Variants in ROPN1L observed in about 807,000 individuals in gnomAD.
ROPN1L encodes the protein ropporin-1-like protein.
ROPN1L carries 23 observed loss-of-function variants against 22.7 expected under a neutral mutation model. That is an observed-to-expected ratio of 1.01 (90% CI 0.73 to 1.43). The LOEUF is 1.43. Among genes scored for constraint, ROPN1L ranks in the 40% most tolerant of loss-of-function variants. The pLI is 0.00. For missense variants in ROPN1L, 271 were observed against 291.5 expected (o/e 0.93, Z 0.51); for synonymous variants, 116 against 117.8 (o/e 0.98, Z 0.10).
chr5:10,461,243 G>T lies in ROPN1L; in HGVS notation c.477G>T (p.Gly159=). Residue 159 remains glycine, a synonymous_variant, in exon 4 of 5, where the codon GGG becomes GGT. Transcript: ENST00000274134. ...TCCTCACGGACGATCCGGAGGGCGG[G>T]CCCGCTCGCATCCCCTTCAAGACGT... ...CEILTDDPEG[G]PARIPFKTFS... 1 of 1,614,126 alleles carries T rather than the reference G, an allele frequency of 6.2e-7. No homozygotes were observed. The highest frequency in any genetic ancestry group is 1.6e-4 in the Middle Eastern group (1 of 6,062).
downstream of ROPN1L, among the ~76,000 whole-genome samples, chr5:10,475,280 C>A (rs1735303862): frequency 1.3e-5 from 2 of 152,226 alleles, no homozygotes; most frequent in Admixed American, 1.3e-4. Flanking sequence ...TCTGGGTGTA[C>A]CATTCCAGTC....
chr5:10,467,503 C>A (rs568998055), downstream of ROPN1L, among the ~76,000 whole-genome samples: 2 of 152,102 alleles, frequency 1.3e-5, no homozygotes, highest in African/African-American at 4.8e-5. Flanking sequence ...AGGGGAGAAG[C>A]GGTCTGGAGG....
rs538748674 is a variant in ROPN1L at position 10,446,925 on chromosome 5, A to G, written c.132-1335A>G. 9.2e-5 allele frequency among the ~76,000 whole-genome samples: 14 copies of G among 152,344 alleles called. No individual in the cohort carries two copies. In the East Asian group the frequency reaches 2.7e-3, roughly 29 times the overall value. ...CTTTAGGTTCACATTTGTCTAACTC[A>G]CTGCTGCCTTCAAATCATTAACAAA... On this transcript the variant is annotated intron_variant, in intron 1 of 4. Coordinates refer to ENST00000274134, the MANE Select transcript of ROPN1L (RefSeq NM_031916.5).
intron 1 of ROPN1L, among the ~76,000 whole-genome samples, chr5:10,444,532 CT>C (rs1250544185): frequency 6.7e-6 from 1 of 150,328 alleles, no homozygotes; most frequent in Non-Finnish European, 1.5e-5. Flanking sequence ...CTCAGGTGAT[CT>C]ATCCACTTGG....
In ROPN1L at chr5:10,441,936, T is replaced by G. The variant is rs1362978971; in HGVS notation, c.-232T>G. On this transcript the variant is annotated 5_prime_UTR_variant, in exon 1 of 5. Coordinates refer to ENST00000274134, the MANE Select transcript of ROPN1L (RefSeq NM_031916.5). Reference sequence around the variant, plus strand: ...GTAGTGGCGGCTGGCGCTAGGGAACTGCAGGGTCTAGGGTGTTGTCGGAGT... The same window carrying G: ...GTAGTGGCGGCTGGCGCTAGGGAACGGCAGGGTCTAGGGTGTTGTCGGAGT... 1.7e-5 allele frequency: 7 copies of G among 415,690 alleles called. No individual in the cohort carries two copies. Among genetic ancestry groups the G allele is most frequent in the Non-Finnish European group, 3.0e-5 (7 of 231,438 alleles). The allele number at this position is 415,690 out of a possible 1,614,324, so 25.8% of individuals were successfully genotyped here.
chr5:10,449,918 A>T, intron 2 of ROPN1L, 34 bp from the exon 3 acceptor site: 1 of 1,578,958 alleles, frequency 6.3e-7, no homozygotes. Context: ...GTTTTAAAAC[A>T]TACATAAATT....
At chr5:10,445,625 G>T (rs1332074850) in intron 1 of ROPN1L, among the ~76,000 whole-genome samples, 1 of 152,146 alleles carries the variant, frequency 6.6e-6, no homozygotes, top group Admixed American at 6.5e-5. Flanking sequence ...GGACATAACT[G>T]CTATAGAACA....
chr5:10,469,963 T>C (rs905120552), downstream of ROPN1L, among the ~76,000 whole-genome samples: 1 of 152,242 alleles, frequency 6.6e-6, no homozygotes, highest in Non-Finnish European at 1.5e-5. Flanking sequence ...ATCACTAACA[T>C]ACTTGTGAAT....
chr5:10,480,162 C>T, the ROPN1L span, among the ~76,000 whole-genome samples: 2 of 152,178 alleles, frequency 1.3e-5, no homozygotes, highest in African/African-American at 4.8e-5. Context: ...ATAAATAGGC[C>T]ATAAACCAAT....
the ROPN1L span, among the ~76,000 whole-genome samples, chr5:10,480,307 T>C: frequency 6.6e-6 from 1 of 152,206 alleles, no homozygotes; most frequent in South Asian, 2.1e-4. Flanking sequence ...TGCCAGGCAA[T>C]TGATGCGCAG....
chr5:10,480,048 T>C, the ROPN1L span, among the ~76,000 whole-genome samples: 1 of 152,332 alleles, frequency 6.6e-6, no homozygotes. Context: ...CCAGCCAACA[T>C]GTCAACTCTT....
At chr5:10,455,278 C>T (rs1050322144) in intron 3 of ROPN1L, among the ~76,000 whole-genome samples, 5 of 152,334 alleles carry the variant, frequency 3.3e-5, no homozygotes, top group East Asian at 1.9e-4. Context: ...TCCAGGTTTC[C>T]GCAGCTAGGG....
chr5:10,468,099 C>G (rs527325738), downstream of ROPN1L, among the ~76,000 whole-genome samples: 26 of 152,384 alleles, frequency 1.7e-4, no homozygotes, highest in Non-Finnish European at 3.7e-4. Context: ...GGGTCTTCGT[C>G]TGGTTCCTGG....
At chr5:10,448,453 A>G (rs1741150720) in intron 2 of ROPN1L, 70 bp downstream of exon 2, 4 of 1,585,802 alleles carry the variant, frequency 2.5e-6, no homozygotes, top group Non-Finnish European at 2.6e-6. Context: ...CTGTGCATTG[A>G]TGACAGAGCG....
chr5:10,468,597 T>C (rs772801060), downstream of ROPN1L, among the ~76,000 whole-genome samples: 24 of 152,252 alleles, frequency 1.6e-4, no homozygotes, highest in Non-Finnish European at 2.8e-4. Context: ...ACAAACTTTA[T>C]TGCAAATATC....
intron 4 of ROPN1L, among the ~76,000 whole-genome samples, chr5:10,470,336 A>G (rs1735226144): frequency 1.3e-5 from 2 of 152,210 alleles, no homozygotes; most frequent in South Asian, 4.1e-4. Flanking sequence ...TGAAGTGGAC[A>G]GAAGTAGGAT....
At chr5:10,447,376 A>C (rs1448183597) in intron 1 of ROPN1L, among the ~76,000 whole-genome samples, 1 of 152,136 alleles carries the variant, frequency 6.6e-6, no homozygotes. Context: ...ATAAGCAGCA[A>C]TATCAGTGTC....
intron 3 of ROPN1L, among the ~76,000 whole-genome samples, chr5:10,457,125 C>T (rs925394673): frequency 4.6e-5 from 7 of 152,200 alleles, no homozygotes; most frequent in African/African-American, 1.7e-4. Flanking sequence ...GTGCAGTGGT[C>T]CTGGAGCGGT....
chr5:10,474,075 C>A (rs1401358626), downstream of ROPN1L, among the ~76,000 whole-genome samples: 2 of 151,896 alleles, frequency 1.3e-5, no homozygotes, highest in African/African-American at 4.8e-5. Context: ...TCGCTTGAGC[C>A]CCGGAGGTGG....
Sources: allele counts gnomAD v4.1 joint callset (sites outside exome capture counted in the v4.1 genomes callset), GRCh38; gene constraint gnomAD v4.1.1; transcripts MANE v1.5; gene names NCBI Gene and HGNC (gene_info 2026-07-23, HGNC 2026-07-21).